PCM1: variants seen among roughly 807,000 people sequenced by gnomAD.
PCM1 encodes the protein pericentriolar material 1.
A neutral mutation model predicts 241.9 loss-of-function variants in PCM1; 157 were observed. That is an observed-to-expected ratio of 0.65 (90% CI 0.57 to 0.74). The LOEUF (loss-of-function observed/expected upper bound fraction) is 0.74. PCM1 is among the 30% of genes least tolerant of loss of function. The probability of loss-of-function intolerance (pLI) is 0.00; values close to 1 mark genes in which losing one functional copy is unlikely to be tolerated. For synonymous variants in PCM1, 1,085 were observed against 784.9 expected, an observed-to-expected ratio of 1.38 and a Z score of -6.39; for missense variants, 3,478 against 2,360.1, an observed-to-expected ratio of 1.47 and a Z score of -9.81.
chr8:17,929,115 C>T (rs572738131), intron 2 of PCM1, among the ~76,000 whole-genome samples: 2 of 152,010 alleles, frequency 1.3e-5, no homozygotes, highest in African/African-American at 4.8e-5. Context: ...ATGGAATTGA[C>T]CCTCACTACC....
chr8:17,924,863 G>A (rs1024952067), intron 2 of PCM1, 83 bp downstream of exon 2: 3 of 152,188 alleles, frequency 2.0e-5, no homozygotes, highest in African/African-American at 7.2e-5. Flanking sequence ...CACAGTTACA[G>A]TGCATGACTG....
intron 15 of PCM1, among the ~76,000 whole-genome samples, chr8:17,960,772 T>G (rs1261450561): frequency 6.6e-6 from 1 of 151,894 alleles, no homozygotes; most frequent in Non-Finnish European, 1.5e-5. Flanking sequence ...GATTCGCCCG[T>G]CTCAGCCTCC....
intron 2 of PCM1, among the ~76,000 whole-genome samples, chr8:17,933,917 T>TA (rs2059718289): frequency 6.6e-6 from 1 of 152,116 alleles, no homozygotes; most frequent in Admixed American, 6.5e-5. Flanking sequence ...TGTTTATACT[T>TA]ACTTTCAACT....
chr8:17,938,574 G>C (rs1211978051), intron 4 of PCM1, among the ~76,000 whole-genome samples, 166 bp from the exon 5 acceptor site: 1 of 152,170 alleles, frequency 6.6e-6, no homozygotes, highest in Non-Finnish European at 1.5e-5. Context: ...TCATATTGTA[G>C]TGAAAGACTG....
At chr8:17,932,111 A>C (rs2059208129) in intron 2 of PCM1, among the ~76,000 whole-genome samples, 1 of 152,148 alleles carries the variant, frequency 6.6e-6, no homozygotes, top group Non-Finnish European at 1.5e-5. Flanking sequence ...TCCAGGCTTC[A>C]TAATTACATA....
At chr8:17,981,815 A>AC (rs985183486) in intron 24 of PCM1, among the ~76,000 whole-genome samples, 5 of 152,106 alleles carry the variant, frequency 3.3e-5, no homozygotes, top group African/African-American at 1.2e-4. Context: ...AGTAATGTAA[A>AC]CTGGTACAAC....
intron 2 of PCM1, among the ~76,000 whole-genome samples, chr8:17,929,688 C>T (rs181335841): frequency 1.3e-5 from 2 of 152,260 alleles, no homozygotes; most frequent in South Asian, 2.1e-4. Context: ...TGTTGTAATA[C>T]AGTAGTCTGC....
intron 23 of PCM1, 35 bp downstream of exon 23, chr8:17,972,722 T>G: frequency 7.7e-7 from 1 of 1,300,338 alleles, no homozygotes; most frequent in South Asian, 1.7e-5. Context: ...TTGATCAGTG[T>G]AAATTTTGGT....
In PCM1 at chr8:17,962,111, A is replaced by C. The variant is rs777982356; in HGVS notation, c.2400A>C (p.Gln800His). 2 of 1,611,230 alleles carry C rather than the reference A, an allele frequency of 1.2e-6. No homozygotes were observed. Among genetic ancestry groups the C allele is most frequent in the Admixed American group, 1.7e-5 (1 of 59,768 alleles). Residue 800 changes from glutamine (Q) to histidine (H), a missense_variant, in exon 16 of 39, where the codon CAA (glutamine) becomes CAC (histidine). Physicochemically the swap from Gln to His is conservative, Grantham distance 24. Coordinates refer to ENST00000325083, the MANE Select transcript of PCM1 (RefSeq NM_006197.4). Reference sequence around the variant, plus strand: ...TTACTTCAACCCCAACTGTTAATCAACACGAGACCAGTACAAGCAAATCTG... The same window carrying C: ...TTACTTCAACCCCAACTGTTAATCACCACGAGACCAGTACAAGCAAATCTG... ...PAVTSTPTVN[Q>H]HETSTSKSVF...
intron 29 of PCM1, among the ~76,000 whole-genome samples, chr8:17,995,108 A>AT (rs2086201506): frequency 6.6e-6 from 1 of 151,364 alleles, no homozygotes; most frequent in African/African-American, 2.5e-5. Flanking sequence ...GCCCAGACCA[A>AT]TGTCCTGCAG....
At chr8:17,956,195 A>G (rs1238255588) in intron 10 of PCM1, among the ~76,000 whole-genome samples, 1 of 152,158 alleles carries the variant, frequency 6.6e-6, no homozygotes, top group East Asian at 1.9e-4. Flanking sequence ...GTGCAGACAA[A>G]TCAAGAACCT....
intron 36 of PCM1, among the ~76,000 whole-genome samples, chr8:18,015,412 G>A (rs1195523540): frequency 6.6e-6 from 1 of 152,116 alleles, no homozygotes; most frequent in Non-Finnish European, 1.5e-5. Flanking sequence ...CTTCACTTGG[G>A]TCATTTCTGA....
chr8:17,940,861 A>G (rs1192666513), intron 6 of PCM1, among the ~76,000 whole-genome samples: 3 of 152,192 alleles, frequency 2.0e-5, no homozygotes, highest in South Asian at 4.1e-4. Flanking sequence ...GCCTATAACC[A>G]TGCATTATTA....
chr8:17,927,123 GAT>G (rs2057290906), intron 2 of PCM1: 1 of 144,666 alleles, frequency 6.9e-6, no homozygotes, highest in Non-Finnish European at 1.5e-5. Flanking sequence ...TGATCACTTT[GAT>G]TTTTTTTTTT....
rs1461601645 is a variant in PCM1 at position 18,029,933 on chromosome 8, T to C, written c.*2271T>C. The C allele has an allele frequency of 1.1e-5, 2 of 183,356 alleles. No homozygotes were observed. Among genetic ancestry groups the C allele is most frequent in the Admixed American group, 6.2e-5 (1 of 16,014 alleles). 11.4% of individuals were successfully genotyped at this position (183,356 alleles called of 1,614,324 possible). A position where few individuals can be genotyped will look rare whatever the true frequency, so the allele number is the denominator to read the frequency against. The stretch of plus-strand genomic sequence containing the variant: ...AATGCTTTTTCACTGTTAATAAATA[T>C]ATATCCTGTATACAACCCTGAATTG... On this transcript the variant is annotated 3_prime_UTR_variant, in exon 39 of 39. Transcript: ENST00000325083.
chr8:17,952,838 A>G, intron 8 of PCM1, 132 bp from the exon 9 acceptor site: 1 of 613,610 alleles, frequency 1.6e-6, no homozygotes, highest in Non-Finnish European at 2.8e-6. Context: ...GTAAGGGTAT[A>G]TACTTACCTA....
rs969027824 is a variant in PCM1, at chr8:17,967,057, G to A, written c.3299G>A (p.Ser1100Asn). The A allele has an allele frequency of 4.3e-6, 7 of 1,609,576 alleles. No homozygotes were observed. The African/African-American group carries it at 6.7e-5, about 15-fold the overall frequency. The change falls in exon 21 of 39, where the codon AGT (serine) becomes AAT (asparagine). Residue 1100 changes from serine (S) to asparagine (N), a missense_variant. Transcript: ENST00000325083. ...PEKPGGKERGSSASHPPSPSL... is the reference protein window; with the variant it reads ...PEKPGGKERGNSASHPPSPSL... Reference sequence around the variant, plus strand: ...AAACCTGGAGGCAAGGAAAGAGGCAGTAGTGCATCGCACCCTCCTTCTCCC... The same window carrying A: ...AAACCTGGAGGCAAGGAAAGAGGCAATAGTGCATCGCACCCTCCTTCTCCC...
intron 30 of PCM1, 93 bp from the exon 31 acceptor site, chr8:18,009,454 C>T (rs1314693173): frequency 2.6e-6 from 2 of 758,818 alleles, no homozygotes; most frequent in Non-Finnish European, 4.3e-6. Flanking sequence ...TAATCATAAA[C>T]ATTAGTTTTA....
chr8:17,964,969 A>G (rs906337574), intron 18 of PCM1, among the ~76,000 whole-genome samples: 2 of 152,128 alleles, frequency 1.3e-5, no homozygotes, highest in African/African-American at 2.4e-5. Context: ...TCAGACTTCA[A>G]TTTCAACTGC....
Sources: allele counts gnomAD v4.1 joint callset (sites outside exome capture counted in the v4.1 genomes callset), GRCh38; gene constraint gnomAD v4.1.1; transcripts MANE v1.5; gene names NCBI Gene and HGNC (gene_info 2026-07-23, HGNC 2026-07-21).